The following MVB12B variants were observed in gnomAD, a reference collection of about 807,000 sequenced individuals.
MVB12B encodes multivesicular body subunit 12B, also known as ESCRT-I complex subunit MVB12B.
Under a neutral mutation model 41.6 loss-of-function variants are expected in MVB12B, and 16 were observed. The observed-to-expected ratio is 0.38, with a 90% confidence interval of 0.26 to 0.58. The LOEUF is 0.58. Ranked by LOEUF, MVB12B falls within the 20% of genes least tolerant of loss-of-function variation. MVB12B has a pLI of 0.62. For missense variants in MVB12B, 274 were observed against 380.2 expected, an observed-to-expected ratio of 0.72 and a Z score of 2.32; for synonymous variants, 133 against 139.7, an observed-to-expected ratio of 0.95 and a Z score of 0.34.
chr9:126,343,367 A>G (rs1829501500), intron 2 of MVB12B, among the ~76,000 whole-genome samples: 1 of 152,138 alleles, frequency 6.6e-6, no homozygotes, highest in African/African-American at 2.4e-5. Flanking sequence ...TATGTCATAG[A>G]TGACTAGTGT....
intron 4 of MVB12B, among the ~76,000 whole-genome samples, chr9:126,388,950 G>A (rs565898189): frequency 4.3e-4 from 66 of 152,296 alleles, no homozygotes; most frequent in Non-Finnish European, 7.5e-4. Flanking sequence ...AGTTGACTTC[G>A]AATGTTTTTA....
chr9:126,362,192 A>G (rs1057510444), intron 2 of MVB12B, among the ~76,000 whole-genome samples: 1 of 152,156 alleles, frequency 6.6e-6, no homozygotes, highest in African/African-American at 2.4e-5. Context: ...TTATTAAAGT[A>G]TTTCTTGTTC....
chr9:126,343,890 CT>C (rs1390003082), intron 2 of MVB12B, among the ~76,000 whole-genome samples: 1 of 152,146 alleles, frequency 6.6e-6, no homozygotes, highest in Non-Finnish European at 1.5e-5. Flanking sequence ...GCGCTCCAGC[CT>C]GGGCAACAGA....
chr9:126,378,632 C>G (rs1830551910), intron 2 of MVB12B, among the ~76,000 whole-genome samples: 1 of 147,586 alleles, frequency 6.8e-6, no homozygotes, highest in Admixed American at 6.7e-5. Context: ...TCTTCTCTGT[C>G]TCTCTCTCTC....
intron 7 of MVB12B, among the ~76,000 whole-genome samples, chr9:126,462,611 G>A (rs1400564240): frequency 1.3e-5 from 2 of 152,156 alleles, no homozygotes; most frequent in African/African-American, 2.4e-5. Context: ...TCATCTCTGC[G>A]CTCGTTATTT....
chr9:126,344,803 A>G (rs1829545052), intron 2 of MVB12B, among the ~76,000 whole-genome samples: 1 of 152,226 alleles, frequency 6.6e-6, no homozygotes, highest in Non-Finnish European at 1.5e-5. Context: ...TCATTGCTGC[A>G]TCATCCCATG....
intron 9 of MVB12B, among the ~76,000 whole-genome samples, chr9:126,493,656 A>G (rs1833778140): frequency 6.6e-6 from 1 of 152,212 alleles, no homozygotes; most frequent in Non-Finnish European, 1.5e-5. Context: ...GCGTCTCTCC[A>G]TCCAGAAACA....
chr9:126,500,042 C>T (rs1189199849), intron 9 of MVB12B, among the ~76,000 whole-genome samples: 1 of 152,182 alleles, frequency 6.6e-6, no homozygotes, highest in Non-Finnish European at 1.5e-5. Context: ...TCCTGCTCCC[C>T]CGCTCACCAT....
At chr9:126,422,062 C>T (rs1235014250) in intron 7 of MVB12B, 114 bp downstream of exon 7, 1 of 771,084 alleles carries the variant, frequency 1.3e-6, no homozygotes, top group African/African-American at 1.7e-5. Flanking sequence ...CTCTTTTCTT[C>T]CCTGCAGGGG....
chr9:126,424,399 G>T (rs1436586417), intron 7 of MVB12B, among the ~76,000 whole-genome samples: 2 of 152,142 alleles, frequency 1.3e-5, no homozygotes, highest in African/African-American at 4.8e-5. Flanking sequence ...CAGTGCTCAT[G>T]ATGTGGTCAT....
At chr9:126,397,573 A>G (rs1245534915) in intron 6 of MVB12B, 1 of 985,274 alleles carries the variant, frequency 1.0e-6, no homozygotes, top group African/African-American at 1.7e-5. Context: ...TAAGTCAGCC[A>G]ATATGCAACA....
At chr9:126,458,546 G>C (rs1417715115) in intron 7 of MVB12B, among the ~76,000 whole-genome samples, 1 of 152,110 alleles carries the variant, frequency 6.6e-6, no homozygotes, top group Non-Finnish European at 1.5e-5. Context: ...TGGGGCTTTA[G>C]GGAAAGTATT....
intron 3 of MVB12B, among the ~76,000 whole-genome samples, chr9:126,382,099 G>GT (rs959321128): frequency 2.0e-5 from 1 of 49,532 alleles, no homozygotes; most frequent in African/African-American, 1.3e-4. Flanking sequence ...TTTATTTGCA[G>GT]TTAAAAAAAA....
chr9:126,408,692 A>C (rs1357782993), intron 6 of MVB12B, among the ~76,000 whole-genome samples: 1 of 151,982 alleles, frequency 6.6e-6, no homozygotes, highest in Admixed American at 6.5e-5. Flanking sequence ...CCATGTGTGC[A>C]CTCAGCCCTT....
chr9:126,457,675 C>A (rs1833010681), intron 7 of MVB12B, among the ~76,000 whole-genome samples: 1 of 152,032 alleles, frequency 6.6e-6, no homozygotes, highest in Non-Finnish European at 1.5e-5. Flanking sequence ...CCATTTTCTC[C>A]GCATTTTGTC....
rs1425777518 is a variant in MVB12B at position 126,459,377 on chromosome 9, A to C, written c.758-21992A>C. On this transcript the variant is annotated intron_variant, in intron 7 of 9. Transcript: ENST00000361171. This position sits in a 1 kb window ranked among gnomAD's most constrained non-coding sequence, Gnocchi z 4.3. ...GACAGTCTAGCATGGTGCTTGGCAC[A>C]AAGTCCAAAGCCGTCTCCAAGACGC... 6.6e-6 allele frequency among the ~76,000 whole-genome samples: 1 copy of C among 152,196 alleles called. No individual in the cohort carries two copies. Among genetic ancestry groups the C allele is most frequent in the Non-Finnish European group, 1.5e-5 (1 of 68,034 alleles).
chr9:126,429,011 A>G (rs948811691), intron 7 of MVB12B, among the ~76,000 whole-genome samples: 7 of 152,134 alleles, frequency 4.6e-5, no homozygotes, highest in Admixed American at 3.3e-4. Context: ...GGGTGAGCGT[A>G]TGGGAGGGTT....
chr9:126,372,863 A>G (rs1469374910), intron 2 of MVB12B, among the ~76,000 whole-genome samples: 3 of 152,178 alleles, frequency 2.0e-5, no homozygotes, highest in Non-Finnish European at 4.4e-5. Flanking sequence ...TAATGAGATC[A>G]TTTCAACAAG....
intron 2 of MVB12B, among the ~76,000 whole-genome samples, chr9:126,352,360 G>A (rs993073702): frequency 1.3e-5 from 2 of 152,190 alleles, no homozygotes; most frequent in Non-Finnish European, 2.9e-5. Flanking sequence ...CTCTGGCTTT[G>A]TTGGCATGGG....
Sources: gnomAD v4.1 joint callset for allele counts (sites outside exome capture counted in the v4.1 genomes callset) on GRCh38, gnomAD v4.1.1 for gene constraint, Gnocchi (gnomAD v3.1) non-coding constraint, MANE v1.5 for transcripts, NCBI Gene and HGNC (gene_info 2026-07-23, HGNC 2026-07-21) for gene names.